The following CFTR variants were observed in gnomAD, a reference collection of about 807,000 sequenced individuals.
The protein encoded by CFTR is cystic fibrosis transmembrane conductance regulator.
In CFTR, 181 loss-of-function variants were observed where a neutral mutation model predicts 171.6. That is an observed-to-expected ratio of 1.05 (90% CI 0.93 to 1.19). The LOEUF (loss-of-function observed/expected upper bound fraction) is 1.19. CFTR is among the 50% of genes most tolerant of loss of function. The pLI is 0.00. For missense variants in CFTR, 1,968 were observed against 1,734.7 expected (o/e 1.13, Z -2.39); for synonymous variants, 583 against 608.0 (o/e 0.96, Z 0.60).
At chr7:117,582,478 C>T (rs561778118) in intron 11 of CFTR, among the ~76,000 whole-genome samples, 2 of 152,074 alleles carry the variant, frequency 1.3e-5, no homozygotes, top group African/African-American at 4.8e-5. Context: ...CCAGGGTACA[C>T]GCAACCTGGA....
chr7:117,599,564 T>C (rs990504015), intron 15 of CFTR, among the ~76,000 whole-genome samples: 1 of 151,900 alleles, frequency 6.6e-6, no homozygotes, highest in Admixed American at 6.5e-5. Context: ...ACAAAACAAT[T>C]GATATTGCCC....
chr7:117,536,422 A>G (rs1346950735), intron 6 of CFTR, 126 bp from the exon 7 acceptor site: 1 of 943,752 alleles, frequency 1.1e-6, no homozygotes, highest in Admixed American at 2.1e-5. Context: ...CATCTATTTG[A>G]TAATAAAATA....
intron 11 of CFTR, among the ~76,000 whole-genome samples, chr7:117,570,105 C>T (rs931359781): frequency 1.3e-5 from 2 of 151,278 alleles, no homozygotes; most frequent in African/African-American, 4.9e-5. Context: ...TGCCATTTCT[C>T]TTGGTTTACG....
rs764644021 is a variant in CFTR, at chr7:117,606,715, G to A, written c.2950G>A (p.Asp984Asn). ...NRFSKDIAIL[D>N]DLLPLTIFDF... ...ATTCTCCAAAGATATAGCAATTTTG[G>A]ATGACCTTCTGCCTCTTACCATATT... The change falls in exon 18 of 27, where the codon GAT (aspartate) becomes AAT (asparagine). Residue 984 changes from aspartate to asparagine, a missense_variant. Coordinates refer to ENST00000003084, the MANE Select transcript of CFTR (RefSeq NM_000492.4). 2 of 1,594,534 alleles carry A rather than the reference G, an allele frequency of 1.3e-6. No individual in the cohort carries two copies. The highest frequency in any genetic ancestry group is 1.7e-5 in the Admixed American group (1 of 59,958).
At chr7:117,516,541 G>A (rs1798599108) in intron 3 of CFTR, among the ~76,000 whole-genome samples, 1 of 152,164 alleles carries the variant, frequency 6.6e-6, no homozygotes, top group South Asian at 2.1e-4. Context: ...ATGAGCAACT[G>A]AGAAGTAACC....
chr7:117,612,059 A>G (rs1414606526), intron 20 of CFTR, among the ~76,000 whole-genome samples: 13 of 131,060 alleles, frequency 9.9e-5, no homozygotes, highest in African/African-American at 3.3e-4. Context: ...ATATACATAT[A>G]TATATATAGT....
At chr7:117,518,212 A>G (rs1039553321) in intron 3 of CFTR, among the ~76,000 whole-genome samples, 4 of 150,826 alleles carry the variant, frequency 2.7e-5, no homozygotes, top group Admixed American at 1.3e-4. Context: ...CCTTTTCACC[A>G]ATTTAAATAT....
chr7:117,493,814 C>T (rs1196390134), intron 1 of CFTR, among the ~76,000 whole-genome samples: 1 of 151,886 alleles, frequency 6.6e-6, no homozygotes, highest in Non-Finnish European at 1.5e-5. Context: ...ACCAAGAACC[C>T]AATTCCATGT....
At chr7:117,548,605 G>GAT (rs1799206619) in intron 9 of CFTR, 36 bp from the exon 10 acceptor site, 1 of 1,526,760 alleles carries the variant, frequency 6.5e-7, no homozygotes, top group Non-Finnish European at 8.7e-7. Context: ...TTTTATTTTT[G>GAT]ATGTGTGTGT....
chr7:117,582,224 A>G (rs185399589), intron 11 of CFTR, among the ~76,000 whole-genome samples: 145 of 152,310 alleles, frequency 9.5e-4, no homozygotes, highest in Non-Finnish European at 1.6e-3. Flanking sequence ...AGAGGAATTG[A>G]GTCAGAGAGC....
chr7:117,590,269 AG>A, intron 12 of CFTR, 83 bp from the exon 13 acceptor site: 2 of 1,501,706 alleles, frequency 1.3e-6, no homozygotes, highest in Non-Finnish European at 1.8e-6. Context: ...TAATGCATGT[AG>A]TGAACTGTTT....
intron 13 of CFTR, 42 bp from the exon 14 acceptor site, chr7:117,591,892 G>A (rs747173324): frequency 1.0e-5 from 13 of 1,254,440 alleles, no homozygotes; most frequent in Non-Finnish European, 1.5e-5. Context: ...TTGCAATAAA[G>A]TATTTATAAA....
chr7:117,540,125 G>A lies in CFTR; in HGVS notation c.895G>A (p.Ala299Thr), dbSNP rs1180803268. 6 of 1,613,424 alleles carry A rather than the reference G, an allele frequency of 3.7e-6. No individual in the cohort carries two copies. Among genetic ancestry groups the A allele is most frequent in the Non-Finnish European group, 5.1e-6 (6 of 1,179,466 alleles). Residue 299 changes from alanine (A) to threonine (T), a missense_variant, in exon 8 of 27, where the codon GCA (alanine) becomes ACA (threonine). Transcript: ENST00000003084. ...RQTELKLTRK[A>T]AYVRYFNSSA... is the part of the protein sequence containing the mutation. ...AACAGAACTGAAACTGACTCGGAAGGCAGCCTATGTGAGATACTTCAATAG... is the reference window on the plus strand; with the variant it reads ...AACAGAACTGAAACTGACTCGGAAGACAGCCTATGTGAGATACTTCAATAG...
At chr7:117,603,474 T>C in intron 16 of CFTR, 58 bp from the exon 17 acceptor site, 1 of 1,601,368 alleles carries the variant, frequency 6.2e-7, no homozygotes, top group Admixed American at 1.7e-5. Flanking sequence ...TTTACATGTA[T>C]TGGAAATTCA....
intron 24 of CFTR, among the ~76,000 whole-genome samples, chr7:117,664,227 G>A (rs918029762): frequency 1.3e-5 from 2 of 152,166 alleles, no homozygotes; most frequent in Non-Finnish European, 2.9e-5. Flanking sequence ...CAAGGATGAT[G>A]TCATACCTCC....
chr7:117,520,792 G>A (rs1004143403), intron 3 of CFTR, among the ~76,000 whole-genome samples: 1 of 151,864 alleles, frequency 6.6e-6, no homozygotes. Flanking sequence ...ACAAATATTT[G>A]TTGAATGGAT....
chr7:117,592,540 A>G lies in CFTR; in HGVS notation c.2373A>G (p.Thr791=), dbSNP rs202115503. 4 of 1,522,906 alleles carry G rather than the reference A, an allele frequency of 2.6e-6. No individual in the cohort carries two copies. The East Asian group carries it at 6.8e-5, about 26-fold the overall frequency. 94.3% of individuals were successfully genotyped at this position (1,522,906 alleles called of 1,614,324 possible). A position where few individuals can be genotyped will look rare whatever the true frequency, so the allele number is the denominator to read the frequency against. The change falls in exon 14 of 27, where the codon ACA becomes ACG. Residue 791 remains threonine, a synonymous_variant. Transcript: ENST00000003084. ...QNIHRKTTAS[T]RKVSLAPQAN... ...TTCACCGAAAGACAACAGCATCCAC[A>G]CGAAAAGTGTCACTGGCCCCTCAGG... is the stretch of plus-strand genomic sequence containing the variant.
intron 11 of CFTR, among the ~76,000 whole-genome samples, chr7:117,567,616 G>A (rs1438316586): frequency 6.6e-6 from 1 of 152,062 alleles, no homozygotes; most frequent in African/African-American, 2.4e-5. Context: ...ATCGTGTTTG[G>A]CACCAGGGAT....
intron 10 of CFTR, among the ~76,000 whole-genome samples, chr7:117,556,066 T>C: frequency 1.3e-5 from 2 of 152,158 alleles, no homozygotes; most frequent in East Asian, 3.9e-4. Context: ...GATTTTGTTA[T>C]TAATATTACT....
Sources: gnomAD v4.1 joint callset for allele counts (sites outside exome capture counted in the v4.1 genomes callset) on GRCh38, gnomAD v4.1.1 for gene constraint, MANE v1.5 for transcripts, NCBI Gene and HGNC (gene_info 2026-07-23, HGNC 2026-07-21) for gene names.